Variants in HACD2 observed in about 807,000 individuals in gnomAD.
HACD2 encodes 3-hydroxyacyl-CoA dehydratase 2.
Under a neutral mutation model 31.0 loss-of-function variants are expected in HACD2, and 15 were observed. The ratio of observed to expected loss-of-function variants is 0.48; its 90% CI spans 0.32 to 0.75. The LOEUF (loss-of-function observed/expected upper bound fraction) is 0.75, where lower values mean the gene tolerates loss of function less well. Among genes scored for constraint, HACD2 ranks in the 30% least tolerant of loss-of-function variants. The probability of loss-of-function intolerance (pLI) is 0.03; values close to 1 mark genes in which losing one functional copy is unlikely to be tolerated. For synonymous variants in HACD2, 115 were observed against 122.2 expected (o/e 0.94, Z 0.39); for missense variants, 283 against 313.0 (o/e 0.90, Z 0.72).
At chr3:123,504,270 A>C (rs2055945166) in intron 4 of HACD2, among the ~76,000 whole-genome samples, 4 of 152,224 alleles carry the variant, frequency 2.6e-5, no homozygotes, top group Admixed American at 2.6e-4. Flanking sequence ...TTTACAGCTA[A>C]GAGTGGAAGC....
At position 123,538,188 on chromosome 3, in the gene HACD2, T is replaced by C. The variant is rs572061700; in HGVS notation, c.293-9714A>G. 9.2e-5 allele frequency among the ~76,000 whole-genome samples: 14 copies of C among 152,246 alleles called. No homozygotes were observed. The East Asian group carries it at 2.7e-3, about 29-fold the overall frequency. On this transcript the variant is annotated intron_variant, in intron 3 of 6. Coordinates refer to ENST00000383657, the MANE Select transcript of HACD2 (RefSeq NM_198402.5). ...AGAAAACTGGCCATGTCTCTTGGGG[T>C]TGCAGCTCCCGACCACCCCCAGAAA...
Position 123,551,781 on chromosome 3 carries a change from G to T in HACD2, c.292+15981C>A, listed in dbSNP as rs181545845. 1.8e-3 allele frequency among the ~76,000 whole-genome samples: 268 copies of T among 152,242 alleles called. 2 individuals are homozygous for T. Among genetic ancestry groups the T allele is most frequent in the African/African-American group, 6.3e-3 (262 of 41,538 alleles). ...TTAATCACAGCTGTATAAACATTAA[G>T]CTACAAGTAGTTATAATTTGCACAC... On this transcript the variant is annotated intron_variant, in intron 3 of 6. Coordinates refer to ENST00000383657, the MANE Select transcript of HACD2 (RefSeq NM_198402.5).
At chr3:123,537,377 GAT>G (rs1304272684) in intron 3 of HACD2, among the ~76,000 whole-genome samples, 1 of 152,074 alleles carries the variant, frequency 6.6e-6, no homozygotes, top group Non-Finnish European at 1.5e-5. Flanking sequence ...GACCAGCCTG[GAT>G]AACAGTGAGA....
chr3:123,522,350 G>A (rs866430422), intron 4 of HACD2, among the ~76,000 whole-genome samples: 310 of 83,976 alleles, frequency 3.7e-3, no homozygotes, highest in African/African-American at 7.5e-3. Flanking sequence ...AAAAAAAAAA[G>A]AGAGAGAGAG....
At chr3:123,526,477 T>A (rs2056285124) in intron 4 of HACD2, among the ~76,000 whole-genome samples, 2 of 151,952 alleles carry the variant, frequency 1.3e-5, no homozygotes, top group African/African-American at 4.8e-5. Flanking sequence ...CAATAAAATA[T>A]ACTGAAGAAT....
chr3:123,545,799 C>T (rs2056553466), intron 3 of HACD2, among the ~76,000 whole-genome samples: 1 of 151,356 alleles, frequency 6.6e-6, no homozygotes, highest in Non-Finnish European at 1.5e-5. Context: ...GCAACCTCCA[C>T]CTCCTGAGTT....
intron 2 of HACD2, among the ~76,000 whole-genome samples, chr3:123,577,280 T>C (rs1213936088): frequency 2.6e-5 from 4 of 152,174 alleles, no homozygotes; most frequent in Non-Finnish European, 5.9e-5. Context: ...TTTAACCCAT[T>C]TGAAATCTCA....
At chr3:123,502,413 C>T in intron 5 of HACD2, 147 bp downstream of exon 5, 1 of 720,082 alleles carries the variant, frequency 1.4e-6, no homozygotes, top group Non-Finnish European at 2.2e-6. Flanking sequence ...GTACAGACTC[C>T]TATTCTGATG....
intron 3 of HACD2, among the ~76,000 whole-genome samples, chr3:123,565,467 C>T (rs190207333): frequency 2.0e-5 from 3 of 152,216 alleles, no homozygotes; most frequent in Admixed American, 2.0e-4. Context: ...TTGCCCCTTC[C>T]ACCATACAAG....
intron 4 of HACD2, among the ~76,000 whole-genome samples, chr3:123,520,586 G>A (rs113942556): frequency 2.0e-5 from 3 of 152,252 alleles, no homozygotes; most frequent in African/African-American, 7.2e-5. Context: ...ACAGTGCTGG[G>A]GTAGAGGAAA....
chr3:123,498,747 G>A (rs2055865884), intron 6 of HACD2, among the ~76,000 whole-genome samples: 1 of 152,170 alleles, frequency 6.6e-6, no homozygotes, highest in Admixed American at 6.5e-5. Context: ...TGGCTCTGGG[G>A]TCAGTGTTTT....
At position 123,496,434 on chromosome 3, in the gene HACD2, A is replaced by T. The variant is rs79565379; in HGVS notation, c.683-1464T>A. ...TTTAAATGGGTTCCAAGCTGGCCAG[A>T]TTTCAAATGATCCTCCCAAAGTACG... On this transcript the variant is annotated intron_variant, in intron 6 of 6. Coordinates refer to ENST00000383657, the MANE Select transcript of HACD2 (RefSeq NM_198402.5). Among the ~76,000 whole-genome samples, 3,668 of 152,248 alleles carry T rather than the reference A, an allele frequency of 0.024. 235 individuals carry two copies. In the East Asian group the frequency reaches 0.25, roughly 10 times the overall value.
intron 1 of HACD2, among the ~76,000 whole-genome samples, 180 bp from the exon 2 acceptor site, chr3:123,582,509 C>T (rs945458869): frequency 2.6e-5 from 4 of 152,170 alleles, no homozygotes; most frequent in African/African-American, 9.6e-5. Context: ...GTTGCAACAC[C>T]GACAGCACCT....
intron 3 of HACD2, among the ~76,000 whole-genome samples, chr3:123,552,526 G>A (rs1489365016): frequency 6.6e-6 from 1 of 152,154 alleles, no homozygotes; most frequent in Non-Finnish European, 1.5e-5. Context: ...TACAAAAGGA[G>A]CAGATGCAAG....
At chr3:123,513,091 G>A (rs2056084678) in intron 4 of HACD2, among the ~76,000 whole-genome samples, 1 of 152,056 alleles carries the variant, frequency 6.6e-6, no homozygotes, top group Non-Finnish European at 1.5e-5. Flanking sequence ...GATGATGGAA[G>A]GAAGTTAAAA....
chr3:123,570,390 T>TA (rs995893255), intron 2 of HACD2, among the ~76,000 whole-genome samples: 1 of 152,160 alleles, frequency 6.6e-6, no homozygotes, highest in Non-Finnish European at 1.5e-5. Context: ...ATTTAAAAAT[T>TA]AGAGTAACAG....
intron 4 of HACD2, among the ~76,000 whole-genome samples, chr3:123,514,944 ATC>A (rs1262488104): frequency 4.6e-5 from 7 of 152,230 alleles, no homozygotes; most frequent in Non-Finnish European, 1.0e-4. Flanking sequence ...AGCCAATTAT[ATC>A]TCTGTTAGAA....
chr3:123,541,437 T>C (rs2056489547), intron 3 of HACD2, among the ~76,000 whole-genome samples: 1 of 152,182 alleles, frequency 6.6e-6, no homozygotes, highest in African/African-American at 2.4e-5. Flanking sequence ...GCAATGTTCC[T>C]TCTTCAGAGT....
chr3:123,551,610 G>A (rs556709450), intron 3 of HACD2, among the ~76,000 whole-genome samples: 50 of 151,182 alleles, frequency 3.3e-4, no homozygotes, highest in Non-Finnish European at 6.3e-4. Context: ...GTGACAGAGT[G>A]AGACTGTCTC....
Sources: allele counts gnomAD v4.1 joint callset (sites outside exome capture counted in the v4.1 genomes callset), GRCh38; gene constraint gnomAD v4.1.1; transcripts MANE v1.5; gene names NCBI Gene and HGNC (gene_info 2026-07-23, HGNC 2026-07-21).